ANKRD31: variants seen among roughly 807,000 people sequenced by gnomAD.
The protein encoded by ANKRD31 is ankyrin repeat domain 31.
ANKRD31 carries 147 observed loss-of-function variants against 186.0 expected under a neutral mutation model. The ratio of observed to expected loss-of-function variants is 0.79; its 90% CI spans 0.69 to 0.91. ANKRD31 has a LOEUF of 0.91. Among genes scored for constraint, ANKRD31 ranks in the 40% least tolerant of loss-of-function variants. ANKRD31 has a pLI of 0.00. For synonymous variants in ANKRD31, 673 were observed against 736.4 expected (o/e 0.91, Z 1.39); for missense variants, 1,986 against 2,148.8 (o/e 0.92, Z 1.50).
At chr5:75,190,482 G>T (rs2150239122) in intron 9 of ANKRD31, among the ~76,000 whole-genome samples, 1 of 152,114 alleles carries the variant, frequency 6.6e-6, no homozygotes, top group South Asian at 2.1e-4. Flanking sequence ...GTGGTGAACT[G>T]GTATTATTTC....
At chr5:75,095,671 C>G (rs1216474856) in intron 22 of ANKRD31, among the ~76,000 whole-genome samples, 1 of 152,116 alleles carries the variant, frequency 6.6e-6, no homozygotes, top group African/African-American at 2.4e-5. Flanking sequence ...GATTGCAAGG[C>G]TTGGGTTTGA....
At position 75,105,025 on chromosome 5, in the gene ANKRD31, C is replaced by A; in HGVS notation, c.4534G>T (p.Glu1512Ter). ...CTAGTGAGCTCTTGGCTGTCTTTTT[C>A]ACTAGAGATTTCTGATCTGGGTGGG... is the stretch of plus-strand genomic sequence containing the variant. ...KLPPRSEISSEKDSQELTSLE... is the reference protein window; with the variant it reads ...KLPPRSEISS Residue 1512 changes from glutamate to a stop codon, truncating the protein, a stop_gained, in exon 22 of 26, where the codon GAA (glutamate) becomes TAA (stop). Transcript: ENST00000506364. LOFTEE classifies it high-confidence loss of function. 6.5e-7 allele frequency: 1 copy of A among 1,536,670 alleles called. No individual in the cohort carries two copies.
intron 17 of ANKRD31, among the ~76,000 whole-genome samples, chr5:75,122,816 A>T (rs78230753): frequency 0.016 from 2,361 of 152,252 alleles, 71 homozygotes; most frequent in African/African-American, 0.054. Context: ...CAACAAACTT[A>T]TGGCCAATAT....
chr5:75,118,098 T>C (rs1027324930), intron 18 of ANKRD31, 37 bp downstream of exon 18: 6 of 1,320,908 alleles, frequency 4.5e-6, no homozygotes, highest in African/African-American at 1.5e-5. Flanking sequence ...CAGAGATATA[T>C]CTCTATATAA....
intron 17 of ANKRD31, among the ~76,000 whole-genome samples, chr5:75,118,523 T>C (rs1423449350): frequency 1.3e-5 from 2 of 152,180 alleles, no homozygotes; most frequent in African/African-American, 2.4e-5. Flanking sequence ...AAGTACAATA[T>C]GCTGCCTTCA....
intron 17 of ANKRD31, among the ~76,000 whole-genome samples, chr5:75,134,962 C>T (rs550389378): frequency 6.6e-6 from 1 of 152,288 alleles, no homozygotes; most frequent in East Asian, 1.9e-4. Context: ...CAACAAAAGT[C>T]AACAGCCTTC....
At position 75,084,395 on chromosome 5, in the gene ANKRD31, A is replaced by T. The variant is rs550990864; in HGVS notation, c.5473-21T>A. 455 of 1,464,252 alleles carry T rather than the reference A, an allele frequency of 3.1e-4. 1 individual carries two copies. The highest frequency in any genetic ancestry group is 1.5e-3 in the Middle Eastern group (9 of 5,872). The allele number at this position is 1,464,252 out of a possible 1,614,324, so 90.7% of individuals were successfully genotyped here. A position where few individuals can be genotyped will look rare whatever the true frequency, so the allele number is the denominator to read the frequency against. ...GTTACCTGCACATAATTAAGCACAA[A>T]ATTTATAAATCATACATTCTGTAAG... On this transcript the variant is annotated intron_variant, in intron 23 of 25. Transcript: ENST00000506364.
chr5:75,218,596 G>A (rs573024430), intron 3 of ANKRD31, among the ~76,000 whole-genome samples: 1 of 152,002 alleles, frequency 6.6e-6, no homozygotes, highest in African/African-American at 2.4e-5. Context: ...CTCATTCTAG[G>A]AGGCTAGCAT....
chr5:75,126,636 AAT>A (rs1749281319), intron 17 of ANKRD31, among the ~76,000 whole-genome samples: 2 of 152,312 alleles, frequency 1.3e-5, no homozygotes, highest in African/African-American at 4.8e-5. Flanking sequence ...GTAAATATGT[AAT>A]ATGTTTCAGG....
intron 1 of ANKRD31, among the ~76,000 whole-genome samples, chr5:75,231,539 C>A (rs1284620712): frequency 1.3e-5 from 2 of 151,996 alleles, no homozygotes; most frequent in Admixed American, 1.3e-4. Flanking sequence ...TGCTATTAGG[C>A]AAACTAAAAT....
At chr5:75,093,268 G>A (rs568508995) in intron 22 of ANKRD31, among the ~76,000 whole-genome samples, 54 of 152,210 alleles carry the variant, frequency 3.5e-4, no homozygotes, top group African/African-American at 1.3e-3. Flanking sequence ...GTCACCTAAG[G>A]TCGGGAGTTT....
chr5:75,162,824 A>C (rs1752662281), intron 11 of ANKRD31, among the ~76,000 whole-genome samples: 1 of 152,008 alleles, frequency 6.6e-6, no homozygotes, highest in South Asian at 2.1e-4. Flanking sequence ...TTGCTATTGG[A>C]TGTTATTGCT....
Position 75,236,772 on chromosome 5 carries a change from A to G in ANKRD31, c.-86T>C. ...AAAAACGCTTTGAGGGCCAGGGGAA[A>G]TTGTGAATTAAAAATAAAAATAATA... On this transcript the variant is annotated 5_prime_UTR_variant, in exon 1 of 26. Coordinates refer to ENST00000506364, the MANE Select transcript of ANKRD31 (RefSeq NM_001372053.1). The G allele has an allele frequency of 9.8e-7, 1 of 1,015,486 alleles. No homozygotes were observed. The highest frequency in any genetic ancestry group is 1.6e-5 in the South Asian group (1 of 63,776). 62.9% of individuals were successfully genotyped at this position (1,015,486 alleles called of 1,614,324 possible).
chr5:75,195,536 G>T, intron 7 of ANKRD31, 95 bp downstream of exon 7: 2 of 1,067,140 alleles, frequency 1.9e-6, no homozygotes, highest in Non-Finnish European at 2.6e-6. Flanking sequence ...CATATTTTCA[G>T]CTACTTGCTC....
intron 24 of ANKRD31, among the ~76,000 whole-genome samples, chr5:75,081,899 T>A (rs762465363): frequency 6.6e-6 from 1 of 152,294 alleles, no homozygotes; most frequent in East Asian, 1.9e-4. Context: ...AAGTCTATAG[T>A]CAGGCTGGCT....
At chr5:75,230,225 C>A (rs1757868861) in intron 2 of ANKRD31, among the ~76,000 whole-genome samples, 1 of 152,154 alleles carries the variant, frequency 6.6e-6, no homozygotes, top group Non-Finnish European at 1.5e-5. Context: ...CCAGGATAGG[C>A]TTTGGTCACA....
intron 11 of ANKRD31, among the ~76,000 whole-genome samples, chr5:75,158,827 A>G (rs965121464): frequency 1.3e-5 from 2 of 152,050 alleles, no homozygotes. Flanking sequence ...AGAGAAAGAC[A>G]GACATGAAAA....
intron 2 of ANKRD31, among the ~76,000 whole-genome samples, chr5:75,223,705 C>T (rs1358737310): frequency 6.6e-6 from 1 of 152,066 alleles, no homozygotes; most frequent in African/African-American, 2.4e-5. Flanking sequence ...TGTGCACACC[C>T]GCCCCAGCCA....
intron 2 of ANKRD31, among the ~76,000 whole-genome samples, chr5:75,230,275 T>C (rs982356147): frequency 1.5e-4 from 23 of 152,220 alleles, no homozygotes; most frequent in Non-Finnish European, 8.8e-5. Flanking sequence ...ACAATTATGT[T>C]ACTTGTTTGT....
Sources: gnomAD v4.1 joint callset for allele counts (sites outside exome capture counted in the v4.1 genomes callset) on GRCh38, gnomAD v4.1.1 for gene constraint, MANE v1.5 for transcripts, NCBI Gene and HGNC (gene_info 2026-07-23, HGNC 2026-07-21) for gene names.